The following SPOCK3 variants were observed in gnomAD, a reference collection of about 807,000 sequenced individuals.
SPOCK3 encodes SPARC (osteonectin), cwcv and kazal like domains proteoglycan 3.
In SPOCK3, 30 loss-of-function variants were observed where a neutral mutation model predicts 56.6. The ratio of observed to expected loss-of-function variants is 0.53; its 90% CI spans 0.40 to 0.72. The LOEUF is 0.72. Among genes scored for constraint, SPOCK3 ranks in the 30% least tolerant of loss-of-function variants. SPOCK3 has a pLI of 0.00. For missense variants in SPOCK3, 527 were observed against 530.0 expected, an observed-to-expected ratio of 0.99 and a Z score of 0.06; for synonymous variants, 196 against 183.3, an observed-to-expected ratio of 1.07 and a Z score of -0.56.
At chr4:166,783,874 A>G (rs1307778676) in intron 7 of SPOCK3, among the ~76,000 whole-genome samples, 2 of 152,184 alleles carry the variant, frequency 1.3e-5, no homozygotes, top group Non-Finnish European at 2.9e-5. Flanking sequence ...AATAATGTTT[A>G]TAATTGACTA....
At chr4:167,002,593 T>C (rs541088362) in intron 3 of SPOCK3, among the ~76,000 whole-genome samples, 6 of 152,282 alleles carry the variant, frequency 3.9e-5, no homozygotes, top group Admixed American at 1.3e-4. Context: ...ATAATGAAAA[T>C]AAACTATATT....
At chr4:167,030,089 C>CTATT (rs1554022265) in intron 3 of SPOCK3, among the ~76,000 whole-genome samples, 9 of 139,530 alleles carry the variant, frequency 6.5e-5, no homozygotes, top group African/African-American at 1.7e-4. Context: ...CTCATTCTAT[C>CTATT]TATCTATCTA....
intron 3 of SPOCK3, among the ~76,000 whole-genome samples, chr4:167,031,195 A>C (rs910455097): frequency 6.6e-6 from 1 of 152,154 alleles, no homozygotes; most frequent in African/African-American, 2.4e-5. Flanking sequence ...ATTGAGTCTT[A>C]CTGTGCCAAG....
At chr4:166,833,702 A>G (rs1175139555) in intron 6 of SPOCK3, among the ~76,000 whole-genome samples, 1 of 152,030 alleles carries the variant, frequency 6.6e-6, no homozygotes, top group Non-Finnish European at 1.5e-5. Flanking sequence ...TTTTTATGAT[A>G]TCCTTTTTTC....
intron 4 of SPOCK3, among the ~76,000 whole-genome samples, chr4:166,949,495 T>C (rs1459774630): frequency 6.6e-6 from 1 of 152,172 alleles, no homozygotes; most frequent in African/African-American, 2.4e-5. Flanking sequence ...TCTTTGATGA[T>C]GGTGATGTAC....
intron 2 of SPOCK3, among the ~76,000 whole-genome samples, chr4:167,108,992 T>TTC (rs1554037448): frequency 1.1e-4 from 1 of 8,698 alleles, no homozygotes; most frequent in Non-Finnish European, 1.9e-4. Context: ...AAATATATAT[T>TTC]TATATATATA....
At chr4:166,910,857 A>G (rs28550869) in intron 5 of SPOCK3, among the ~76,000 whole-genome samples, 12,351 of 152,060 alleles carry the variant, frequency 0.081, 562 homozygotes, top group Non-Finnish European at 0.1. Context: ...CACTGACTCA[A>G]TTTATTCAAT....
Position 167,062,545 on chromosome 4 carries a change from G to T in SPOCK3, c.190-8C>A. On this transcript the variant is annotated splice_region_variant and splice_polypyrimidine_tract_variant and intron_variant, in intron 2 of 10. Coordinates refer to ENST00000357545, the MANE Select transcript of SPOCK3 (RefSeq NM_001040159.2). ...AGTGCGGAAATAATCATCCTAAGGGGGAAAATAATGTGAATTGAGTGTATA... is the reference window on the plus strand; with the variant it reads ...AGTGCGGAAATAATCATCCTAAGGGTGAAAATAATGTGAATTGAGTGTATA... The T allele has an allele frequency of 6.3e-7, 1 of 1,598,308 alleles. No homozygotes were observed. The highest frequency in any genetic ancestry group is 8.6e-7 in the Non-Finnish European group (1 of 1,168,524).
intron 2 of SPOCK3, among the ~76,000 whole-genome samples, chr4:167,082,638 G>A (rs1302332961): frequency 6.6e-6 from 1 of 151,812 alleles, no homozygotes; most frequent in Non-Finnish European, 1.5e-5. Flanking sequence ...TCATGTCTTG[G>A]TGAGGTTGTG....
intron 2 of SPOCK3, among the ~76,000 whole-genome samples, chr4:167,167,983 T>G (rs2150458231): frequency 6.6e-6 from 1 of 152,168 alleles, no homozygotes; most frequent in East Asian, 1.9e-4. Flanking sequence ...TGAATAAGTC[T>G]CATGAGATCT....
At chr4:167,119,831 G>T (rs1761721854) in intron 2 of SPOCK3, 2 of 1,534,378 alleles carry the variant, frequency 1.3e-6, no homozygotes, top group Non-Finnish European at 1.7e-6. Flanking sequence ...GTGATCTTGT[G>T]TGATCATCAC....
intron 2 of SPOCK3, among the ~76,000 whole-genome samples, chr4:167,175,257 A>G: frequency 6.6e-6 from 1 of 152,236 alleles, no homozygotes; most frequent in Middle Eastern, 3.4e-3. Context: ...CAATGATACT[A>G]CTTCTTATTA....
rs1733972773 is a variant in SPOCK3 at position 166,733,877 on chromosome 4, G to T, written c.*1044C>A. 1 of 152,134 alleles carries T rather than the reference G, an allele frequency of 6.6e-6. No individual in the cohort carries two copies. The highest frequency in any genetic ancestry group is 2.4e-5 in the African/African-American group (1 of 41,388). The allele number at this position is 152,134 out of a possible 1,614,324, so 9.4% of individuals were successfully genotyped here. A position where few individuals can be genotyped will look rare whatever the true frequency, so the allele number is the denominator to read the frequency against. ...TGATATTAATCTGTTAATTAGGTGTGCTTATATATTGCGTAATATACTATA... is the reference window on the plus strand; with the variant it reads ...TGATATTAATCTGTTAATTAGGTGTTCTTATATATTGCGTAATATACTATA... On this transcript the variant is annotated 3_prime_UTR_variant, in exon 11 of 11. Coordinates refer to ENST00000357545, the MANE Select transcript of SPOCK3 (RefSeq NM_001040159.2).
At chr4:167,036,857 CA>C (rs1194636369) in intron 3 of SPOCK3, among the ~76,000 whole-genome samples, 2 of 151,232 alleles carry the variant, frequency 1.3e-5, no homozygotes, top group Admixed American at 6.6e-5. Context: ...ATATCAACAA[CA>C]AAAAAAATAT....
chr4:167,196,642 T>C (rs1732982300), intron 2 of SPOCK3, among the ~76,000 whole-genome samples: 2 of 152,290 alleles, frequency 1.3e-5, no homozygotes, highest in South Asian at 4.1e-4. Context: ...TCATATTTTG[T>C]GCAGCTGCAT....
intron 2 of SPOCK3, among the ~76,000 whole-genome samples, chr4:167,160,057 A>G (rs1765156345): frequency 6.6e-6 from 1 of 152,116 alleles, no homozygotes; most frequent in African/African-American, 2.4e-5. Flanking sequence ...TAGGCAGGAG[A>G]AGGAAATAAA....
intron 5 of SPOCK3, among the ~76,000 whole-genome samples, chr4:166,890,402 A>C (rs1411272242): frequency 6.6e-6 from 1 of 151,906 alleles, no homozygotes; most frequent in Non-Finnish European, 1.5e-5. Context: ...TTTAAGAACC[A>C]AACAGCCAGT....
At chr4:166,831,229 A>G (rs1214871416) in intron 6 of SPOCK3, among the ~76,000 whole-genome samples, 1 of 152,198 alleles carries the variant, frequency 6.6e-6, no homozygotes, top group Non-Finnish European at 1.5e-5. Context: ...TTTGCTTATT[A>G]ATGTTTGTAG....
At position 167,000,378 on chromosome 4, in the gene SPOCK3, G is replaced by A. The variant is rs1304539169; in HGVS notation, c.321C>T (p.Val107=). The change falls in exon 4 of 11, where the codon GTC becomes GTT. Residue 107 remains valine, a synonymous_variant. Coordinates refer to ENST00000357545, the MANE Select transcript of SPOCK3 (RefSeq NM_001040159.2). ...GTGTAAGCCTCCGGTGACTAATGCAGACTGCAGTCTGAGAATCTTGAGCAA... is the reference window on the plus strand; with the variant it reads ...GTGTAAGCCTCCGGTGACTAATGCAAACTGCAGTCTGAGAATCTTGAGCAA... ...VCIAQDSQTA[V]CISHRRLTHR... 1.9e-6 allele frequency: 3 copies of A among 1,600,266 alleles called. No individual in the cohort carries two copies. The highest frequency in any genetic ancestry group is 1.7e-6 in the Non-Finnish European group (2 of 1,170,632).
Sources: allele counts gnomAD v4.1 joint callset (sites outside exome capture counted in the v4.1 genomes callset), GRCh38; gene constraint gnomAD v4.1.1; transcripts MANE v1.5; gene names NCBI Gene and HGNC (gene_info 2026-07-23, HGNC 2026-07-21).